The following FAT3 variants were observed in gnomAD, a reference collection of about 807,000 sequenced individuals.
FAT3 encodes protocadherin Fat 3.
FAT3 carries 95 observed loss-of-function variants against 310.2 expected under a neutral mutation model. The observed-to-expected ratio is 0.31, with a 90% CI of 0.26 to 0.36. The LOEUF (loss-of-function observed/expected upper bound fraction) is 0.36. Ranked by LOEUF, FAT3 falls within the 10% of genes least tolerant of loss-of-function variation. FAT3 has a pLI of 1.00. For missense variants in FAT3, 5,408 were observed against 5,715.6 expected, an observed-to-expected ratio of 0.95 and a Z score of 1.74; for synonymous variants, 2,314 against 2,192.9, an observed-to-expected ratio of 1.06 and a Z score of -1.54.
chr11:92,679,180 C>T (rs1309613704), intron 3 of FAT3, among the ~76,000 whole-genome samples: 1 of 152,156 alleles, frequency 6.6e-6, no homozygotes, highest in Non-Finnish European at 1.5e-5. Context: ...TATACATTTT[C>T]TTCATACATT....
intron 3 of FAT3, among the ~76,000 whole-genome samples, chr11:92,626,803 C>T (rs945705268): frequency 5.3e-5 from 8 of 152,196 alleles, no homozygotes; most frequent in Non-Finnish European, 8.8e-5. Context: ...ATCCTCCGCT[C>T]CATTGGATCT....
intron 18 of FAT3, 65 bp downstream of exon 18, chr11:92,840,824 T>C: frequency 7.1e-7 from 1 of 1,412,418 alleles, no homozygotes; most frequent in Non-Finnish European, 9.4e-7. Context: ...CTGTCCCCTT[T>C]GGTGGATTTT....
At chr11:92,539,206 G>A (rs1215103096) in intron 3 of FAT3, among the ~76,000 whole-genome samples, 1 of 152,044 alleles carries the variant, frequency 6.6e-6, no homozygotes, top group Non-Finnish European at 1.5e-5. Flanking sequence ...GGGAAATGGG[G>A]ATATTTATTA....
At chr11:92,677,236 A>G (rs1943315251) in intron 3 of FAT3, among the ~76,000 whole-genome samples, 1 of 152,224 alleles carries the variant, frequency 6.6e-6, no homozygotes, top group African/African-American at 2.4e-5. Context: ...AAAGTCCTTT[A>G]CCAAAAACAG....
intron 1 of FAT3, among the ~76,000 whole-genome samples, chr11:92,327,620 C>T (rs1947798936): frequency 6.6e-6 from 1 of 152,076 alleles, no homozygotes; most frequent in Admixed American, 6.5e-5. Flanking sequence ...TGCTTGTGGC[C>T]CTTGAATGAT....
At chr11:92,397,463 A>G (rs1166722970) in intron 2 of FAT3, among the ~76,000 whole-genome samples, 1 of 152,172 alleles carries the variant, frequency 6.6e-6, no homozygotes, top group Non-Finnish European at 1.5e-5. Flanking sequence ...AGTTCCCAAT[A>G]TCATTAACAT....
intron 3 of FAT3, among the ~76,000 whole-genome samples, chr11:92,679,797 G>A (rs1165337516): frequency 1.6e-5 from 2 of 127,468 alleles, no homozygotes; most frequent in Non-Finnish European, 3.1e-5. Flanking sequence ...AGCCGAGATT[G>A]TGCCACTACA....
intron 3 of FAT3, among the ~76,000 whole-genome samples, chr11:92,569,242 T>C (rs1054641433): frequency 6.6e-6 from 1 of 152,168 alleles, no homozygotes; most frequent in African/African-American, 2.4e-5. Context: ...CTTCATTTCC[T>C]TCTCAGTAAA....
intron 1 of FAT3, among the ~76,000 whole-genome samples, chr11:92,293,512 T>TTTTATATA (rs1555002832): frequency 1.5e-5 from 1 of 67,892 alleles, no homozygotes; most frequent in African/African-American, 6.3e-5. Context: ...GAACCTCAGA[T>TTTTATATA]TATATATATA....
chr11:92,521,363 A>G (rs1205243221), intron 2 of FAT3, among the ~76,000 whole-genome samples: 2 of 152,198 alleles, frequency 1.3e-5, no homozygotes, highest in Non-Finnish European at 2.9e-5. Context: ...TGAGAATGGC[A>G]CATGACCAGA....
intron 2 of FAT3, among the ~76,000 whole-genome samples, chr11:92,396,936 A>G (rs1253151507): frequency 6.6e-6 from 1 of 151,944 alleles, no homozygotes; most frequent in Non-Finnish European, 1.5e-5. Context: ...TGAGCTCCTG[A>G]CCTCTGTTAA....
In FAT3 at chr11:92,895,824, TA is replaced by T. The variant is rs1235334518; in HGVS notation, c.*4712del. The T allele has an allele frequency of 6.6e-6, 1 of 152,172 alleles. No individual in the cohort carries two copies. Among genetic ancestry groups the T allele is most frequent in the Non-Finnish European group, 1.5e-5 (1 of 68,028 alleles). The allele number at this position is 152,172 out of a possible 1,614,324, so 9.4% of individuals were successfully genotyped here. ...TTTCAATTTTCCAGGCTTTTGTAGA[TA>T]CTATATTTGATGCCTATCAGGATGC... is the stretch of plus-strand genomic sequence containing the variant. On this transcript the variant is annotated 3_prime_UTR_variant, in exon 28 of 28. Transcript: ENST00000525166.
At chr11:92,871,980 G>T (rs1220655884) in intron 22 of FAT3, among the ~76,000 whole-genome samples, 1 of 151,164 alleles carries the variant, frequency 6.6e-6, no homozygotes, top group Non-Finnish European at 1.5e-5. Context: ...AAAAAAATTA[G>T]TATAAAGGTG....
chr11:92,248,328 A>G (rs1399104777), intron 1 of FAT3, among the ~76,000 whole-genome samples: 1 of 152,116 alleles, frequency 6.6e-6, no homozygotes, highest in Non-Finnish European at 1.5e-5. Context: ...TTGAATCAAC[A>G]CATCTCACAC....
intron 1 of FAT3, among the ~76,000 whole-genome samples, chr11:92,295,705 T>G (rs1946831324): frequency 6.6e-6 from 1 of 152,144 alleles, no homozygotes; most frequent in Non-Finnish European, 1.5e-5. Flanking sequence ...AGGCATTTAT[T>G]AATGTTTTTC....
intron 14 of FAT3, among the ~76,000 whole-genome samples, chr11:92,833,112 T>G (rs953823785): frequency 2.6e-5 from 4 of 152,236 alleles, no homozygotes; most frequent in African/African-American, 9.6e-5. Context: ...AGGTCGTAAT[T>G]CTAGAAAACA....
chr11:92,372,220 T>C (rs567226026), intron 2 of FAT3, among the ~76,000 whole-genome samples: 29 of 152,282 alleles, frequency 1.9e-4, no homozygotes, highest in African/African-American at 6.7e-4. Flanking sequence ...GGGTACCATC[T>C]GGTCAGTGTT....
intron 2 of FAT3, among the ~76,000 whole-genome samples, chr11:92,478,379 C>T (rs979996830): frequency 2.0e-5 from 3 of 152,144 alleles, no homozygotes; most frequent in African/African-American, 4.8e-5. Flanking sequence ...GGTTTAACTT[C>T]AACATGAAGC....
At chr11:92,277,710 G>C (rs1946311741) in intron 1 of FAT3, among the ~76,000 whole-genome samples, 1 of 152,104 alleles carries the variant, frequency 6.6e-6, no homozygotes, top group Admixed American at 6.6e-5. Context: ...AGTGGAGAGA[G>C]AGAGAGGAGG....
Sources: gnomAD v4.1 joint callset for allele counts (sites outside exome capture counted in the v4.1 genomes callset) on GRCh38, gnomAD v4.1.1 for gene constraint, MANE v1.5 for transcripts, NCBI Gene and HGNC (gene_info 2026-07-23, HGNC 2026-07-21) for gene names.